EYS: variants seen among roughly 807,000 people sequenced by gnomAD.
EYS encodes EGF-like photoreceptor maintenance factor.
A neutral mutation model predicts 282.1 loss-of-function variants in EYS; 250 were observed. The observed-to-expected ratio is 0.89, with a 90% CI of 0.80 to 0.98. EYS has a LOEUF of 0.98. Ranked by LOEUF, EYS falls within the 50% of genes least tolerant of loss-of-function variation. The pLI, the probability that EYS is intolerant of heterozygous loss-of-function variation, is 0.00. For synonymous variants in EYS, 1,355 were observed against 1,282.9 expected (o/e 1.06, Z -1.20); for missense variants, 4,016 against 3,709.0 (o/e 1.08, Z -2.15).
chr6:65,465,898 G>A (rs1764981162), intron 5 of EYS, among the ~76,000 whole-genome samples: 1 of 152,004 alleles, frequency 6.6e-6, no homozygotes, highest in African/African-American at 2.4e-5. Context: ...CTTGAGGCTG[G>A]GAAATTGAGG....
intron 26 of EYS, among the ~76,000 whole-genome samples, chr6:64,575,978 G>A (rs960759780): frequency 6.6e-6 from 1 of 151,974 alleles, no homozygotes; most frequent in Non-Finnish European, 1.5e-5. Context: ...AGCAAACTGA[G>A]GCTATGTCAT....
intron 29 of EYS, among the ~76,000 whole-genome samples, chr6:64,330,165 T>G (rs1390431761): frequency 6.6e-6 from 1 of 152,192 alleles, no homozygotes; most frequent in Non-Finnish European, 1.5e-5. Flanking sequence ...CTTCGTGTTC[T>G]GTGGGAGGCT....
chr6:64,192,931 C>G (rs544747617), intron 31 of EYS, among the ~76,000 whole-genome samples: 60 of 152,274 alleles, frequency 3.9e-4, no homozygotes, highest in Non-Finnish European at 7.5e-4. Context: ...TCATGTTTCT[C>G]TCTGTGTGTG....
rs34933830 is a variant in EYS at position 63,886,448 on chromosome 6, C to CA, written c.7056-22091dup. Among the ~76,000 whole-genome samples the CA allele has an allele frequency of 5.9e-5, 9 of 151,382 alleles. 1 individual carries two copies. The highest frequency in any genetic ancestry group is 1.2e-4 in the Non-Finnish European group (8 of 67,820). On this transcript the variant is annotated intron_variant, in intron 35 of 42. Transcript: ENST00000503581. The stretch of plus-strand genomic sequence containing the variant: ...AAGTTGTATATGTGTGGCTGCATTC[C>CA]AAAAAAAAGTGATGTTATTACTTTA...
Position 65,295,856 on chromosome 6 carries a change from A to AG in EYS, c.2023+6_2023+7insC. The stretch of plus-strand genomic sequence containing the variant: ...AAATTTAATTTATCAGGAAAAAAAA[A>AG]ACTTGCCTTTAAATCCTGGGACACA... On this transcript the variant is annotated splice_region_variant and intron_variant, in intron 12 of 42. Transcript: ENST00000503581. The AG allele has an allele frequency of 1.3e-6, 2 of 1,527,494 alleles. No homozygotes were observed. Among genetic ancestry groups the AG allele is most frequent in the South Asian group, 2.6e-5 (2 of 77,006 alleles). The allele number at this position is 1,527,494 out of a possible 1,614,324, so 94.6% of individuals were successfully genotyped here.
At chr6:65,661,096 C>T (rs1767987550) in intron 1 of EYS, among the ~76,000 whole-genome samples, 1 of 151,864 alleles carries the variant, frequency 6.6e-6, no homozygotes, top group South Asian at 2.1e-4. Context: ...CTCCTAAACA[C>T]TTTCCAAAAT....
intron 2 of EYS, among the ~76,000 whole-genome samples, chr6:65,593,812 TTTATAA>T (rs1271973192): frequency 6.6e-6 from 1 of 151,960 alleles, no homozygotes; most frequent in African/African-American, 2.4e-5. Flanking sequence ...ATTATTTTAC[TTTATAA>T]TTATAATGCA....
chr6:65,618,694 G>A (rs1766326515), intron 2 of EYS, among the ~76,000 whole-genome samples: 1 of 152,142 alleles, frequency 6.6e-6, no homozygotes, highest in African/African-American at 2.4e-5. Context: ...TAGGTCTAAT[G>A]TATAAGTCTT....
chr6:64,592,257 C>G (rs993683235), intron 25 of EYS, among the ~76,000 whole-genome samples: 3 of 152,148 alleles, frequency 2.0e-5, no homozygotes, highest in African/African-American at 7.2e-5. Flanking sequence ...TGACATATTC[C>G]CAACTAAATG....
chr6:64,395,347 G>T lies in EYS; in HGVS notation c.5928-6507C>A, dbSNP rs1299041466. 2.6e-5 allele frequency among the ~76,000 whole-genome samples: 4 copies of T among 152,130 alleles called. No individual in the cohort carries two copies. In the East Asian group the frequency reaches 7.7e-4, roughly 29 times the overall value. On this transcript the variant is annotated intron_variant, in intron 28 of 42. Coordinates refer to ENST00000503581, the MANE Select transcript of EYS (RefSeq NM_001142800.2). ...CGCATGCACACGTATGTTTATTGCA[G>T]CATTATTCACAATAGCAAAGACTTG... is the stretch of plus-strand genomic sequence containing the variant.
chr6:64,843,564 A>T (rs1445134046), intron 19 of EYS, among the ~76,000 whole-genome samples: 1 of 152,154 alleles, frequency 6.6e-6, no homozygotes. Flanking sequence ...CATGGTCCAT[A>T]TAACTCCTTT....
At chr6:64,832,847 TGTGA>T (rs945083275) in intron 19 of EYS, among the ~76,000 whole-genome samples, 1 of 151,950 alleles carries the variant, frequency 6.6e-6, no homozygotes, top group Non-Finnish European at 1.5e-5. Flanking sequence ...ATAGGGCTAA[TGTGA>T]GTATTAAATG....
At chr6:64,407,827 G>C (rs1023269704) in intron 28 of EYS, among the ~76,000 whole-genome samples, 1 of 152,026 alleles carries the variant, frequency 6.6e-6, no homozygotes, top group Non-Finnish European at 1.5e-5. Context: ...CGCCTCCTGG[G>C]TTCAAGTGAT....
rs1269152520 is a variant in EYS at position 65,261,392 on chromosome 6, C to A, written c.2023+34471G>T. Among the ~76,000 whole-genome samples the A allele has an allele frequency of 2.6e-5, 4 of 151,950 alleles. No individual in the cohort carries two copies. In the East Asian group the frequency reaches 7.8e-4, roughly 29 times the overall value. On this transcript the variant is annotated intron_variant, in intron 12 of 42. Transcript: ENST00000503581. ...GCAGAAAATAAGGAAAAATCCATAT[C>A]TGTCTGGTGTGCATGTGTTTACCAC...
chr6:64,540,307 C>T (rs553779648), intron 26 of EYS, among the ~76,000 whole-genome samples: 4 of 152,188 alleles, frequency 2.6e-5, no homozygotes, highest in Middle Eastern at 3.4e-3. Flanking sequence ...CTACGGGTCT[C>T]ACCTTCACAC....
At chr6:65,441,789 G>A (rs1237412546) in intron 5 of EYS, among the ~76,000 whole-genome samples, 2 of 152,068 alleles carry the variant, frequency 1.3e-5, no homozygotes, top group African/African-American at 4.8e-5. Context: ...TGCTTTCAGA[G>A]GAGGACACTG....
At chr6:64,945,949 T>C in intron 14 of EYS, 35 bp from the exon 15 acceptor site, 3 of 1,490,642 alleles carry the variant, frequency 2.0e-6, no homozygotes, top group Non-Finnish European at 2.7e-6. Context: ...TTTTAGGCTA[T>C]TTCTTACTAT....
intron 29 of EYS, among the ~76,000 whole-genome samples, chr6:64,366,205 T>C (rs115974697): frequency 0.031 from 4,728 of 152,060 alleles, 233 homozygotes; most frequent in African/African-American, 0.11. Flanking sequence ...ATTATGAAAG[T>C]AACAGAGGTA....
In EYS at chr6:65,494,643, T is replaced by C; in HGVS notation, c.748+20A>G. ...GTGTTTCTCTATTTTAATAAAATTA[T>C]ATATTTTAAACAATCTTACCTGTAA... is the stretch of plus-strand genomic sequence containing the variant. On this transcript the variant is annotated intron_variant, in intron 4 of 42. Coordinates refer to ENST00000503581, the MANE Select transcript of EYS (RefSeq NM_001142800.2). The C allele has an allele frequency of 2.0e-6, 3 of 1,522,426 alleles. No individual in the cohort carries two copies. The highest frequency in any genetic ancestry group is 2.7e-6 in the Non-Finnish European group (3 of 1,124,492). The allele number at this position is 1,522,426 out of a possible 1,614,324, so 94.3% of individuals were successfully genotyped here.
Sources: gnomAD v4.1 joint callset for allele counts (sites outside exome capture counted in the v4.1 genomes callset) on GRCh38, gnomAD v4.1.1 for gene constraint, MANE v1.5 for transcripts, NCBI Gene and HGNC (gene_info 2026-07-23, HGNC 2026-07-21) for gene names.